The following CCL13 variants were observed in gnomAD, a reference collection of about 807,000 sequenced individuals.
CCL13 encodes C-C motif chemokine 13.
In CCL13, 5 loss-of-function variants were observed where a neutral mutation model predicts 6.6. The ratio of observed to expected loss-of-function variants is 0.76; its 90% CI spans 0.40 to 1.60. The LOEUF is 1.60. Ranked by LOEUF, CCL13 falls within the 40% of genes most tolerant of loss-of-function variation. The probability of loss-of-function intolerance (pLI) is 0.02; values close to 1 mark genes in which losing one functional copy is unlikely to be tolerated. For synonymous variants in CCL13, 39 were observed against 43.0 expected (o/e 0.91, Z 0.37); for missense variants, 117 against 114.2 (o/e 1.02, Z -0.11).
Position 34,358,051 on chromosome 17 carries a change from A to T in CCL13, c.217A>T (p.Ile73Phe), listed in dbSNP as rs758137997. The T allele has an allele frequency of 4.3e-6, 7 of 1,613,704 alleles. No individual in the cohort carries two copies. Among genetic ancestry groups the T allele is most frequent in the Non-Finnish European group, 5.9e-6 (7 of 1,179,946 alleles). The part of the protein sequence containing the change: ...VIFRTKLGKE[I>F]CADPKEKWVQ... ...CTTCAGAACCAAACTGGGCAAGGAG[A>T]TCTGTGCTGACCCAAAGGAGAAGTG... The change falls in exon 3 of 3, where the codon ATC (isoleucine) becomes TTC (phenylalanine). Residue 73 changes from isoleucine (I) to phenylalanine (F), a missense_variant. By Grantham distance (21) the Ile-to-Phe change is conservative. Coordinates refer to ENST00000225844, the MANE Select transcript of CCL13 (RefSeq NM_005408.3).
Position 34,358,105 on chromosome 17 carries a change from C to A in CCL13, c.271C>A (p.Arg91=). 1.9e-6 allele frequency: 3 copies of A among 1,613,796 alleles called. No homozygotes were observed. Among genetic ancestry groups the A allele is most frequent in the South Asian group, 2.2e-5 (2 of 91,062 alleles). Residue 91 remains arginine, a synonymous_variant, in exon 3 of 3, where the codon CGG becomes AGG. Transcript: ENST00000225844. ...CCAGAATTATATGAAACACCTGGGCCGGAAAGCTCACACCCTGAAGACTTG... is the reference window on the plus strand; with the variant it reads ...CCAGAATTATATGAAACACCTGGGCAGGAAAGCTCACACCCTGAAGACTTG... ...WVQNYMKHLG[R]KAHTLKT
At position 34,358,033 on chromosome 17, in the gene CCL13, A is replaced by G; in HGVS notation, c.199A>G (p.Thr67Ala). The G allele has an allele frequency of 6.2e-7, 1 of 1,612,358 alleles. No homozygotes were observed. Among genetic ancestry groups the G allele is most frequent in the Non-Finnish European group, 8.5e-7 (1 of 1,179,258 alleles). Residue 67 changes from threonine (T) to alanine (A), a missense_variant, in exon 3 of 3, where the codon ACC becomes GCC. By Grantham distance (58) the Thr-to-Ala change is moderately conservative. Coordinates refer to ENST00000225844, the MANE Select transcript of CCL13 (RefSeq NM_005408.3). ...RCPQKAVIFR[T>A]KLGKEICADP... is the part of the protein sequence containing the mutation. The stretch of plus-strand genomic sequence containing the variant: ...GATCTCCTTCCTCCACAGCTTCAGA[A>G]CCAAACTGGGCAAGGAGATCTGTGC...
chr17:34,356,918 T>C (rs1252793737), intron 1 of CCL13, among the ~76,000 whole-genome samples: 3 of 152,080 alleles, frequency 2.0e-5, no homozygotes, highest in African/African-American at 7.2e-5. Context: ...CAAGTGATCC[T>C]CCCGTCTCGG....
chr17:34,358,210 T>C lies in CCL13; in HGVS notation c.*79T>C. Reference sequence around the variant, plus strand: ...TCTCCTCTGGCCTCCTCTTCTATGCTTTGGAATACTTCTACCATAATTTTC... The same window carrying C: ...TCTCCTCTGGCCTCCTCTTCTATGCCTTGGAATACTTCTACCATAATTTTC... On this transcript the variant is annotated 3_prime_UTR_variant, in exon 3 of 3. Transcript: ENST00000225844. 1 of 894,642 alleles carries C rather than the reference T, an allele frequency of 1.1e-6. No homozygotes were observed. Among genetic ancestry groups the C allele is most frequent in the Non-Finnish European group, 1.8e-6 (1 of 552,260 alleles). 55.4% of individuals were successfully genotyped at this position (894,642 alleles called of 1,614,324 possible). A position where few individuals can be genotyped will look rare whatever the true frequency, so the allele number is the denominator to read the frequency against.
chr17:34,356,674 T>G, intron 1 of CCL13, 72 bp downstream of exon 1: 3 of 1,080,290 alleles, frequency 2.8e-6, no homozygotes. Flanking sequence ...TAAGCCCGAG[T>G]GCTCCTCCAC....
In CCL13 at chr17:34,358,304, C is replaced by A; in HGVS notation, c.*173C>A. 1.6e-6 allele frequency: 1 copy of A among 622,330 alleles called. No homozygotes were observed. Among genetic ancestry groups the A allele is most frequent in the South Asian group, 1.9e-5 (1 of 53,476 alleles). The allele number at this position is 622,330 out of a possible 1,614,324, so 38.6% of individuals were successfully genotyped here. A position where few individuals can be genotyped will look rare whatever the true frequency, so the allele number is the denominator to read the frequency against. ...TTAAGTAATATTGGCTATTATTTGA[C>A]TTGTTGCTGGTTTGGAGTTTATTTG... On this transcript the variant is annotated 3_prime_UTR_variant, in exon 3 of 3. Coordinates refer to ENST00000225844, the MANE Select transcript of CCL13 (RefSeq NM_005408.3).
At chr17:34,357,629 TC>T in intron 2 of CCL13, 40 bp downstream of exon 2, 1 of 1,188,522 alleles carries the variant, frequency 8.4e-7, no homozygotes. Flanking sequence ...TCCTCCCCAC[TC>T]CCACATTCCC....
At position 34,356,705 on chromosome 17, in the gene CCL13, C is replaced by T. The variant is rs190066432; in HGVS notation, c.76+103C>T. ...TCCACTTTTTTTTTAGATTGAGTCT[C>T]ATTATGTTGCCCAGGCTGAAGTGCA... On this transcript the variant is annotated intron_variant, in intron 1 of 2. Coordinates refer to ENST00000225844, the MANE Select transcript of CCL13 (RefSeq NM_005408.3). 1.2e-4 allele frequency: 90 copies of T among 764,756 alleles called. No individual in the cohort carries two copies. In the African/African-American group the frequency reaches 1.4e-3, roughly 12 times the overall value. 47.4% of individuals were successfully genotyped at this position (764,756 alleles called of 1,614,324 possible). A position where few individuals can be genotyped will look rare whatever the true frequency, so the allele number is the denominator to read the frequency against.
chr17:34,357,689 C>A (rs1053916426), intron 2 of CCL13, 100 bp downstream of exon 2: 7 of 770,994 alleles, frequency 9.1e-6, no homozygotes, highest in Non-Finnish European at 1.4e-5. Flanking sequence ...GACTTGAGAT[C>A]TTAGGATGAG....
In CCL13 at chr17:34,356,688, T is replaced by C. The variant is rs1910357654; in HGVS notation, c.76+86T>C. On this transcript the variant is annotated intron_variant, in intron 1 of 2. Coordinates refer to ENST00000225844, the MANE Select transcript of CCL13 (RefSeq NM_005408.3). ...CTAAGCCCGAGTGCTCCTCCACTTT[T>C]TTTTTAGATTGAGTCTCATTATGTT... 1.4e-5 allele frequency: 13 copies of C among 914,394 alleles called. No homozygotes were observed. In the East Asian group the frequency reaches 3.2e-4, roughly 23 times the overall value. 56.6% of individuals were successfully genotyped at this position (914,394 alleles called of 1,614,324 possible). A position where few individuals can be genotyped will look rare whatever the true frequency, so the allele number is the denominator to read the frequency against.
intron 2 of CCL13, 103 bp from the exon 3 acceptor site, chr17:34,357,923 C>T: frequency 1.3e-6 from 1 of 748,710 alleles, no homozygotes; most frequent in South Asian, 1.7e-5. Context: ...TGCCCCTTCA[C>T]CTGTAGTAGG....
At position 34,358,479 on chromosome 17, in the gene CCL13, G is replaced by A. The variant is rs1358272069; in HGVS notation, c.*348G>A. Reference sequence around the variant, plus strand: ...GCCTGTGGGAGTCATGGACATGAAGGGATGCTGCAATGTAGGAAGGAGAGC... The same window carrying A: ...GCCTGTGGGAGTCATGGACATGAAGAGATGCTGCAATGTAGGAAGGAGAGC... On this transcript the variant is annotated 3_prime_UTR_variant, in exon 3 of 3. Coordinates refer to ENST00000225844, the MANE Select transcript of CCL13 (RefSeq NM_005408.3). 1 of 315,834 alleles carries A rather than the reference G, an allele frequency of 3.2e-6. No individual in the cohort carries two copies. The highest frequency in any genetic ancestry group is 3.1e-5 in the South Asian group (1 of 32,454). The allele number at this position is 315,834 out of a possible 1,614,324, so 19.6% of individuals were successfully genotyped here. A position where few individuals can be genotyped will look rare whatever the true frequency, so the allele number is the denominator to read the frequency against.
intron 1 of CCL13, among the ~76,000 whole-genome samples, chr17:34,356,948 T>C (rs1376978890): frequency 2.6e-5 from 4 of 152,224 alleles, no homozygotes; most frequent in Non-Finnish European, 5.9e-5. Flanking sequence ...GTGCTGGGAT[T>C]ACAGGCGTGA....
intron 1 of CCL13, 42 bp downstream of exon 1, chr17:34,356,644 T>C (rs776426842): frequency 6.9e-7 from 1 of 1,439,006 alleles, no homozygotes; most frequent in Admixed American, 1.7e-5. Flanking sequence ...TTCCCTCTGT[T>C]TCTCTATTCA....
At chr17:34,357,711 C>G in intron 2 of CCL13, 122 bp downstream of exon 2, 1 of 684,020 alleles carries the variant, frequency 1.5e-6, no homozygotes, top group Non-Finnish European at 2.6e-6. Context: ...TCTAGCCAGA[C>G]TGTGTGATGC....
intron 2 of CCL13, 79 bp from the exon 3 acceptor site, chr17:34,357,947 T>G (rs1597613542): frequency 9.9e-7 from 1 of 1,012,070 alleles, no homozygotes; most frequent in South Asian, 1.4e-5. Context: ...ACCAGGCAGG[T>G]TTAGAACCCA....
chr17:34,357,951 G>C (rs948177993), intron 2 of CCL13, 75 bp from the exon 3 acceptor site: 3 of 1,050,076 alleles, frequency 2.9e-6, no homozygotes, highest in Non-Finnish European at 4.3e-6. Flanking sequence ...GGCAGGTTTA[G>C]AACCCAGTGT....
At chr17:34,356,667 G>A (rs773370937) in intron 1 of CCL13, 65 bp downstream of exon 1, 16 of 1,154,078 alleles carry the variant, frequency 1.4e-5, no homozygotes, top group African/African-American at 3.1e-5. Flanking sequence ...GAAGACCTAA[G>A]CCCGAGTGCT....
In CCL13 at chr17:34,358,137, G is replaced by C; in HGVS notation, c.*6G>C. On this transcript the variant is annotated 3_prime_UTR_variant, in exon 3 of 3. Transcript: ENST00000225844. ...CTCACACCCTGAAGACTTGAACTCT[G>C]CTACCCCTACTGAAATCAAGCTGGA... The C allele has an allele frequency of 6.3e-7, 1 of 1,597,614 alleles. No individual in the cohort carries two copies. Among genetic ancestry groups the C allele is most frequent in the African/African-American group, 1.3e-5 (1 of 74,692 alleles).
Sources: gnomAD v4.1 joint callset for allele counts (sites outside exome capture counted in the v4.1 genomes callset) on GRCh38, gnomAD v4.1.1 for gene constraint, MANE v1.5 for transcripts, NCBI Gene and HGNC (gene_info 2026-07-23, HGNC 2026-07-21) for gene names.